FAM228B: variants seen among roughly 807,000 people sequenced by gnomAD.
FAM228B encodes protein FAM228B.
Under a neutral mutation model 42.6 loss-of-function variants are expected in FAM228B, and 38 were observed. That is an observed-to-expected ratio of 0.89 (90% CI 0.69 to 1.17). FAM228B has a LOEUF of 1.17. Among genes scored for constraint, FAM228B ranks in the 50% most tolerant of loss-of-function variants. FAM228B has a pLI of 0.00. For missense variants in FAM228B, 344 were observed against 367.3 expected, an observed-to-expected ratio of 0.94 and a Z score of 0.52; for synonymous variants, 109 against 122.3, an observed-to-expected ratio of 0.89 and a Z score of 0.72.
Position 24,082,930 on chromosome 2 carries a change from T to C in FAM228B, c.-210+1975T>C, listed in dbSNP as rs923595397. 8 of 1,613,158 alleles carry C rather than the reference T, an allele frequency of 5.0e-6. No homozygotes were observed. In the African/African-American group the frequency reaches 9.3e-5, roughly 19 times the overall value. On this transcript the variant is annotated intron_variant, in intron 2 of 10. Coordinates refer to the FAM228B transcript ENST00000613899. ...AAGGCGGTGAGCCAGGCCTCTGGGA[T>C]GGCTGCAGCCTGGGTCAGGGTCAAT... is the stretch of plus-strand genomic sequence containing the variant.
chr2:24,126,356 G>T (rs1279912127), intron 2 of FAM228B, among the ~76,000 whole-genome samples: 5 of 152,140 alleles, frequency 3.3e-5, no homozygotes, highest in Non-Finnish European at 5.9e-5. Flanking sequence ...CTGATTTATT[G>T]TATGGCCTTT....
intron 3 of FAM228B, among the ~76,000 whole-genome samples, chr2:24,107,393 A>G (rs1665719555): frequency 6.6e-6 from 1 of 152,194 alleles, no homozygotes; most frequent in Non-Finnish European, 1.5e-5. Context: ...TAACAAAGCT[A>G]TTCAGGACCT....
intron 2 of FAM228B, among the ~76,000 whole-genome samples, chr2:24,132,658 T>A (rs187953314): frequency 1.3e-5 from 2 of 152,174 alleles, no homozygotes; most frequent in East Asian, 3.9e-4. Context: ...CTCCATTGAT[T>A]GTTTTTTTCT....
In FAM228B at chr2:24,086,234, CA is replaced by C. The variant is rs57641176; in HGVS notation, c.-210+5297del. Among the ~76,000 whole-genome samples, 451 of 63,912 alleles carry C rather than the reference CA, an allele frequency of 7.1e-3. 3 individuals carry two copies. Among genetic ancestry groups the C allele is most frequent in the African/African-American group, 0.022 (363 of 16,826 alleles). 41.9% of individuals were successfully genotyped at this position (63,912 alleles called of 152,430 possible). Reference sequence around the variant, plus strand: ...TGGACGACAGAGTGAGACTCCGTCTCAAAAAAAAAAAAAAAAAAGGAATTTT... The same window carrying C: ...TGGACGACAGAGTGAGACTCCGTCTCAAAAAAAAAAAAAAAAAGGAATTTT... On this transcript the variant is annotated intron_variant, in intron 2 of 10. Transcript: ENST00000613899.
At chr2:24,088,559 C>A (rs145423472) in intron 2 of FAM228B, among the ~76,000 whole-genome samples, 18 of 152,286 alleles carry the variant, frequency 1.2e-4, no homozygotes, top group African/African-American at 4.1e-4. Flanking sequence ...CCATGTTGGC[C>A]AGGCTGGTCT....
chr2:24,122,196 G>A (rs1258831352), upstream of FAM228B, among the ~76,000 whole-genome samples: 1 of 152,020 alleles, frequency 6.6e-6, no homozygotes, highest in African/African-American at 2.4e-5. Context: ...GCCGGGCCTG[G>A]TAGCGCACTC....
intron 5 of FAM228B, among the ~76,000 whole-genome samples, chr2:24,143,782 A>T (rs963165050): frequency 2.0e-5 from 3 of 152,184 alleles, no homozygotes; most frequent in African/African-American, 7.2e-5. Context: ...TTTAATTTCT[A>T]ATATAGTAAA....
intron 2 of FAM228B, among the ~76,000 whole-genome samples, chr2:24,124,917 G>T (rs1666268345): frequency 6.6e-6 from 1 of 152,108 alleles, no homozygotes; most frequent in Non-Finnish European, 1.5e-5. Flanking sequence ...GCCTAGGCTG[G>T]TCCCCAACTC....
At chr2:24,156,686 C>T (rs1001766800) in intron 7 of FAM228B, among the ~76,000 whole-genome samples, 2 of 151,884 alleles carry the variant, frequency 1.3e-5, no homozygotes, top group African/African-American at 4.8e-5. Context: ...TTCCCATAAA[C>T]CAAATTCCCA....
rs369393991 is a variant in FAM228B, at chr2:24,145,371, G to C, written c.442-1377G>C. Among the ~76,000 whole-genome samples the C allele has an allele frequency of 2.2e-4, 34 of 152,338 alleles. No individual in the cohort carries two copies. In the East Asian group the frequency reaches 6.2e-3, roughly 28 times the overall value. On this transcript the variant is annotated intron_variant, in intron 5 of 10. Transcript: ENST00000615575. ...GGAAAACACAGACACCACTGACGCT[G>C]TTTGCAGCTGAAGAAATATGGAGAC...
intron 4 of FAM228B, 137 bp from the exon 5 acceptor site, chr2:24,139,233 C>G: frequency 2.3e-6 from 1 of 435,404 alleles, no homozygotes; most frequent in South Asian, 6.4e-5. Context: ...GTAGCCTTGT[C>G]TTTCTTTTTG....
At chr2:24,164,076 T>C (rs958498890) in intron 8 of FAM228B, 122 bp from the exon 9 acceptor site, 1 of 955,464 alleles carries the variant, frequency 1.0e-6, no homozygotes, top group Admixed American at 3.2e-5. Context: ...AATACGTTTA[T>C]TTTCATAAAA....
intron 7 of FAM228B, among the ~76,000 whole-genome samples, chr2:24,158,158 G>A (rs1293880491): frequency 7.9e-6 from 1 of 126,702 alleles, no homozygotes; most frequent in Non-Finnish European, 1.6e-5. Context: ...TGAATCAACC[G>A]TATTCTTCAC....
intron 2 of FAM228B, among the ~76,000 whole-genome samples, chr2:24,133,244 T>G (rs1654168698): frequency 6.6e-6 from 1 of 152,184 alleles, no homozygotes; most frequent in Admixed American, 6.6e-5. Context: ...CTCTCCAGTG[T>G]CTTCAGGTTG....
chr2:24,147,437 C>T (rs532403713), intron 7 of FAM228B, among the ~76,000 whole-genome samples: 29 of 152,050 alleles, frequency 1.9e-4, no homozygotes, highest in Middle Eastern at 3.4e-3. Flanking sequence ...TTGGGGAAAT[C>T]CTAGGCCATT....
chr2:24,099,929 C>G (rs550619835), intron 3 of FAM228B, among the ~76,000 whole-genome samples: 1 of 152,232 alleles, frequency 6.6e-6, no homozygotes, highest in South Asian at 2.1e-4. Flanking sequence ...ATACATAGAC[C>G]AATGGAACAG....
rs376712147 is a variant in FAM228B, at chr2:24,139,075, T to C, written c.361-295T>C. ...TATAGCTGTTCTTCTAGCATTTTTT[T>C]AAAATCTGAGATGTTTGACTAGTAA... On this transcript the variant is annotated intron_variant, in intron 4 of 10. Coordinates refer to ENST00000615575, the MANE Select transcript of FAM228B (RefSeq NM_001145710.2). Among the ~76,000 whole-genome samples the C allele has an allele frequency of 5.9e-5, 9 of 152,370 alleles. No homozygotes were observed. The East Asian group carries it at 1.5e-3, about 26-fold the overall frequency.
chr2:24,138,179 A>C, intron 4 of FAM228B, 79 bp downstream of exon 4: 1 of 1,126,600 alleles, frequency 8.9e-7, no homozygotes, highest in Non-Finnish European at 1.3e-6. Context: ...TCATTCAGTC[A>C]GTCTGTCCCT....
intron 3 of FAM228B, among the ~76,000 whole-genome samples, chr2:24,111,936 C>A (rs899108069): frequency 2.0e-5 from 3 of 152,124 alleles, no homozygotes; most frequent in African/African-American, 7.2e-5. Flanking sequence ...AACAAAAACT[C>A]CAGAGAGCCA....
Sources: allele counts gnomAD v4.1 joint callset (sites outside exome capture counted in the v4.1 genomes callset), GRCh38; gene constraint gnomAD v4.1.1; transcripts MANE v1.5; gene names NCBI Gene and HGNC (gene_info 2026-07-23, HGNC 2026-07-21).